TRMT11: variants seen among roughly 807,000 people sequenced by gnomAD.
TRMT11 encodes the protein tRNA (guanine(10)-N(2))-methyltransferase TRMT11.
A neutral mutation model predicts 62.8 loss-of-function variants in TRMT11; 53 were observed. The ratio of observed to expected loss-of-function variants is 0.84; its 90% CI spans 0.68 to 1.06. The LOEUF is 1.06. Ranked by LOEUF, TRMT11 falls within the 50% of genes least tolerant of loss-of-function variation. The pLI, the probability that TRMT11 is intolerant of heterozygous loss-of-function variation, is 0.00. For missense variants in TRMT11, 556 were observed against 553.4 expected (o/e 1.00, Z -0.05); for synonymous variants, 188 against 190.3 (o/e 0.99, Z 0.10).
At chr6:126,249,557 T>C in the TRMT11 span, among the ~76,000 whole-genome samples, 1 of 152,154 alleles carries the variant, frequency 6.6e-6, no homozygotes, top group African/African-American at 2.4e-5. Flanking sequence ...AAATTGTGCA[T>C]AATAAAATGT....
At chr6:126,162,163 A>G (rs1223903936) in intron 21 of TRMT11, among the ~76,000 whole-genome samples, 1 of 152,152 alleles carries the variant, frequency 6.6e-6, no homozygotes, top group African/African-American at 2.4e-5. Flanking sequence ...GGTATTGCCT[A>G]GGTTTTCTTC....
chr6:126,124,849 G>T (rs1777696610), intron 21 of TRMT11, among the ~76,000 whole-genome samples: 1 of 152,038 alleles, frequency 6.6e-6, no homozygotes, highest in African/African-American at 2.4e-5. Context: ...GGAGTTATGT[G>T]ATTGTTTGCT....
At chr6:126,067,780 G>C (rs1201617304) in intron 17 of TRMT11, among the ~76,000 whole-genome samples, 2 of 152,112 alleles carry the variant, frequency 1.3e-5, no homozygotes, top group African/African-American at 4.8e-5. Flanking sequence ...TTCCAAAGTG[G>C]TTGTGCCAAT....
At chr6:126,000,819 A>G (rs1372399618) in intron 7 of TRMT11, among the ~76,000 whole-genome samples, 3 of 152,128 alleles carry the variant, frequency 2.0e-5, no homozygotes, top group African/African-American at 4.8e-5. Flanking sequence ...TACCCTCAGC[A>G]TACTCTATAT....
chr6:126,183,201 A>T (rs1435082978), intron 1 of TRMT11, among the ~76,000 whole-genome samples: 1 of 152,142 alleles, frequency 6.6e-6, no homozygotes, highest in Admixed American at 6.5e-5. Context: ...CCCCAAGCAC[A>T]TTAGTTCTTG....
At chr6:126,110,331 A>T (rs1022261650) in intron 17 of TRMT11, among the ~76,000 whole-genome samples, 1 of 152,102 alleles carries the variant, frequency 6.6e-6, no homozygotes, top group Admixed American at 6.6e-5. Context: ...ATATCTTAAG[A>T]CTGAGAAATA....
At chr6:126,112,085 AG>A (rs1777538735) in intron 17 of TRMT11, among the ~76,000 whole-genome samples, 1 of 152,170 alleles carries the variant, frequency 6.6e-6, no homozygotes, top group African/African-American at 2.4e-5. Context: ...ATCCAGAATA[AG>A]AAGCCCAAAC....
intron 12 of TRMT11, among the ~76,000 whole-genome samples, chr6:126,021,890 T>C (rs1286550191): frequency 1.3e-5 from 2 of 152,160 alleles, no homozygotes; most frequent in Non-Finnish European, 2.9e-5. Flanking sequence ...TGCCTCATAA[T>C]GGAGCTTAAT....
intron 1 of TRMT11, among the ~76,000 whole-genome samples, chr6:126,198,055 T>A (rs534699966): frequency 2.6e-5 from 4 of 152,338 alleles, no homozygotes; most frequent in Non-Finnish European, 2.9e-5. Flanking sequence ...AACAGCTTAA[T>A]AAAGTAGAAT....
intron 21 of TRMT11, among the ~76,000 whole-genome samples, chr6:126,120,269 A>G (rs953474757): frequency 2.0e-5 from 3 of 152,088 alleles, no homozygotes; most frequent in Admixed American, 1.3e-4. Flanking sequence ...GCAAGATTCC[A>G]TCTCAAAATA....
At chr6:126,016,890 G>C (rs1205994508) in intron 11 of TRMT11, among the ~76,000 whole-genome samples, 2 of 152,074 alleles carry the variant, frequency 1.3e-5, no homozygotes, top group African/African-American at 2.4e-5. Flanking sequence ...AGCCTAAAGC[G>C]ATCTTATTAA....
chr6:126,260,381 C>T, the TRMT11 span, among the ~76,000 whole-genome samples: 1 of 152,118 alleles, frequency 6.6e-6, no homozygotes, highest in Admixed American at 6.5e-5. Context: ...ATTATATGTT[C>T]CCTAGCCACT....
intron 17 of TRMT11, among the ~76,000 whole-genome samples, chr6:126,102,157 A>G (rs1777408658): frequency 2.0e-5 from 3 of 152,306 alleles, no homozygotes; most frequent in Admixed American, 6.5e-5. Flanking sequence ...GATCATGGCA[A>G]TCAGTTATTG....
chr6:126,008,482 GATT>G lies in TRMT11; in HGVS notation c.760+13_760+15del, dbSNP rs1793694633. 9 of 1,606,664 alleles carry G rather than the reference GATT, an allele frequency of 5.6e-6. No individual in the cohort carries two copies. The highest frequency in any genetic ancestry group is 7.7e-6 in the Non-Finnish European group (9 of 1,173,440). The stretch of plus-strand genomic sequence containing the variant: ...ACAGTTCATGGCTTGGGTGAGTAGA[GATT>G]ATAGACAGTATTATAGTCATTGCTG... On this transcript the variant is annotated intron_variant, in intron 8 of 12. Coordinates refer to ENST00000334379, the MANE Select transcript of TRMT11 (RefSeq NM_001031712.3).
At chr6:126,038,599 C>A in intron 12 of TRMT11, 106 bp from the exon 13 acceptor site, 1 of 905,560 alleles carries the variant, frequency 1.1e-6, no homozygotes. Flanking sequence ...TAAATATGCA[C>A]TAGAGAGTGA....
downstream of TRMT11, among the ~76,000 whole-genome samples, chr6:126,207,221 T>C: frequency 6.6e-6 from 1 of 152,152 alleles, no homozygotes; most frequent in East Asian, 1.9e-4. Context: ...CCAGAGAAGG[T>C]TAAGTGACCC....
chr6:126,051,544 G>T (rs1218964570), intron 16 of TRMT11, among the ~76,000 whole-genome samples: 1 of 152,190 alleles, frequency 6.6e-6, no homozygotes, highest in Admixed American at 6.5e-5. Flanking sequence ...TGTCATGGAG[G>T]TAGATATGAA....
intron 12 of TRMT11, among the ~76,000 whole-genome samples, chr6:126,022,322 CAGGCGTG>C (rs1034613356): frequency 1.6e-4 from 25 of 152,156 alleles, no homozygotes; most frequent in Admixed American, 8.5e-4. Flanking sequence ...GTTGGGATTA[CAGGCGTG>C]AGCCACCGTG....
chr6:126,191,786 C>A (rs1409299221), intron 1 of TRMT11, among the ~76,000 whole-genome samples: 1 of 152,046 alleles, frequency 6.6e-6, no homozygotes, highest in Admixed American at 6.5e-5. Flanking sequence ...GTTCTCTAAT[C>A]TGTTCCATTG....
Sources: allele counts gnomAD v4.1 joint callset (sites outside exome capture counted in the v4.1 genomes callset), GRCh38; gene constraint gnomAD v4.1.1; transcripts MANE v1.5; gene names NCBI Gene and HGNC (gene_info 2026-07-23, HGNC 2026-07-21).